The following NRG3 variants were observed in gnomAD, a reference collection of about 807,000 sequenced individuals.
NRG3 encodes neuregulin 3.
A neutral mutation model predicts 66.9 loss-of-function variants in NRG3; 31 were observed. The observed-to-expected ratio is 0.46, with a 90% CI of 0.35 to 0.63. The LOEUF is 0.63. Ranked by LOEUF, NRG3 falls within the 20% of genes least tolerant of loss-of-function variation. NRG3 has a pLI of 0.00. For missense variants in NRG3, 910 were observed against 878.9 expected (o/e 1.04, Z -0.45); for synonymous variants, 393 against 359.4 (o/e 1.09, Z -1.06).
chr10:82,693,389 T>C (rs1181619425), intron 2 of NRG3, among the ~76,000 whole-genome samples: 1 of 152,206 alleles, frequency 6.6e-6, no homozygotes, highest in Non-Finnish European at 1.5e-5. Flanking sequence ...AGGTATTGCC[T>C]GTTTTCCAAC....
At chr10:82,639,762 A>T (rs969139278) in intron 2 of NRG3, among the ~76,000 whole-genome samples, 2 of 152,100 alleles carry the variant, frequency 1.3e-5, no homozygotes, top group Non-Finnish European at 2.9e-5. Flanking sequence ...AAGAGCCCTG[A>T]TTATTTTTTT....
chr10:82,266,392 A>G (rs568246647), intron 1 of NRG3, among the ~76,000 whole-genome samples: 1 of 152,248 alleles, frequency 6.6e-6, no homozygotes, highest in South Asian at 2.1e-4. Context: ...TATGGGGGCT[A>G]CAGCGTGCAG....
At chr10:82,581,724 G>C (rs989063421) in intron 2 of NRG3, among the ~76,000 whole-genome samples, 1 of 152,002 alleles carries the variant, frequency 6.6e-6, no homozygotes, top group African/African-American at 2.4e-5. Flanking sequence ...ACTTAAAAAT[G>C]TTTAAGATGG....
At chr10:82,920,790 G>C (rs1373397964) in intron 4 of NRG3, among the ~76,000 whole-genome samples, 1 of 152,100 alleles carries the variant, frequency 6.6e-6, no homozygotes, top group Non-Finnish European at 1.5e-5. Flanking sequence ...AATTTTCAAA[G>C]CTGGAACAAT....
At chr10:82,502,367 A>G (rs1844277272) in intron 2 of NRG3, among the ~76,000 whole-genome samples, 3 of 152,062 alleles carry the variant, frequency 2.0e-5, no homozygotes, top group African/African-American at 7.2e-5. Flanking sequence ...TTAGCAGCAC[A>G]ACTTCCCAGG....
At chr10:82,316,906 C>G (rs939329897) in intron 1 of NRG3, among the ~76,000 whole-genome samples, 8 of 152,144 alleles carry the variant, frequency 5.3e-5, no homozygotes, top group African/African-American at 1.9e-4. Flanking sequence ...GCTTCTTACT[C>G]AGCACTGGGA....
intron 1 of NRG3, among the ~76,000 whole-genome samples, chr10:82,006,330 C>T (rs746455477): frequency 7.2e-5 from 11 of 152,028 alleles, no homozygotes; most frequent in Non-Finnish European, 1.5e-4. Flanking sequence ...TTGAATTTAT[C>T]CGTTCCTTTT....
intron 1 of NRG3, among the ~76,000 whole-genome samples, chr10:82,143,070 A>G (rs73320364): frequency 0.062 from 9,369 of 151,604 alleles, 968 homozygotes; most frequent in African/African-American, 0.21. Context: ...TGCCCAGCCA[A>G]GATTTTCTTT....
chr10:82,345,449 C>T (rs1235758486), intron 1 of NRG3, among the ~76,000 whole-genome samples: 3 of 151,968 alleles, frequency 2.0e-5, no homozygotes, highest in Middle Eastern at 3.4e-3. Context: ...CAGTACCATG[C>T]TGTTTTGGTT....
intron 2 of NRG3, among the ~76,000 whole-genome samples, chr10:82,395,720 A>G (rs1005696818): frequency 6.6e-6 from 1 of 151,912 alleles, no homozygotes; most frequent in Admixed American, 6.6e-5. Context: ...CCATCTATCC[A>G]CCCATTCATC....
intron 1 of NRG3, among the ~76,000 whole-genome samples, chr10:82,248,004 CTT>C (rs544108683): frequency 2.6e-4 from 39 of 152,098 alleles, no homozygotes; most frequent in Non-Finnish European, 3.5e-4. Context: ...TTTACATACT[CTT>C]ATTTCTGATT....
chr10:82,709,770 C>T (rs2056546803), intron 2 of NRG3, among the ~76,000 whole-genome samples: 1 of 152,144 alleles, frequency 6.6e-6, no homozygotes, highest in Admixed American at 6.5e-5. Context: ...CACTTTCAGC[C>T]CTCTGTTTCT....
chr10:82,523,472 A>T (rs1846397544), intron 2 of NRG3, among the ~76,000 whole-genome samples: 1 of 152,100 alleles, frequency 6.6e-6, no homozygotes, highest in African/African-American at 2.4e-5. Flanking sequence ...TCTGATAGGT[A>T]ATGATGGTAA....
intron 2 of NRG3, among the ~76,000 whole-genome samples, chr10:82,716,550 T>C (rs973475760): frequency 1.3e-5 from 2 of 152,120 alleles, no homozygotes; most frequent in Admixed American, 6.5e-5. Context: ...GGTGCAGATA[T>C]AGAGGATGTA....
chr10:82,029,954 C>T (rs2062486142), intron 1 of NRG3, among the ~76,000 whole-genome samples: 1 of 152,094 alleles, frequency 6.6e-6, no homozygotes, highest in Non-Finnish European at 1.5e-5. Flanking sequence ...GAAAGCCTCC[C>T]TCATGTTGGC....
chr10:82,075,583 G>T (rs1456220448), intron 1 of NRG3, among the ~76,000 whole-genome samples: 1 of 152,100 alleles, frequency 6.6e-6, no homozygotes. Flanking sequence ...TGACTGGGGA[G>T]AATGGAAGGA....
At chr10:82,383,078 T>C (rs2085729960) in intron 2 of NRG3, among the ~76,000 whole-genome samples, 1 of 152,018 alleles carries the variant, frequency 6.6e-6, no homozygotes, top group Admixed American at 6.6e-5. Context: ...ATTCATTACA[T>C]ATTCTGGCAA....
intron 1 of NRG3, among the ~76,000 whole-genome samples, chr10:82,048,191 G>A (rs1238050084): frequency 2.6e-5 from 4 of 151,984 alleles, no homozygotes; most frequent in Admixed American, 2.0e-4. Flanking sequence ...ACAGATCAAC[G>A]AGACAGAAAG....
chr10:81,979,563 G>A (rs1389482083), intron 1 of NRG3, among the ~76,000 whole-genome samples: 1 of 152,072 alleles, frequency 6.6e-6, no homozygotes, highest in Non-Finnish European at 1.5e-5. Context: ...TGTTTAGATT[G>A]TTGGTTTTTA....
Sources: gnomAD v4.1 joint callset for allele counts (sites outside exome capture counted in the v4.1 genomes callset) on GRCh38, gnomAD v4.1.1 for gene constraint, MANE v1.5 for transcripts, NCBI Gene and HGNC (gene_info 2026-07-23, HGNC 2026-07-21) for gene names.